SIPA1L1: variants seen among roughly 807,000 people sequenced by gnomAD.
The protein encoded by SIPA1L1 is signal-induced proliferation-associated 1-like protein 1.
In SIPA1L1, 26 loss-of-function variants were observed where a neutral mutation model predicts 162.7. The ratio of observed to expected loss-of-function variants is 0.16; its 90% CI spans 0.12 to 0.22. The LOEUF is 0.22. Among genes scored for constraint, SIPA1L1 ranks in the 10% least tolerant of loss-of-function variants. The pLI is 1.00. For missense variants in SIPA1L1, 1,874 were observed against 2,241.0 expected (o/e 0.84, Z 3.31); for synonymous variants, 829 against 837.4 (o/e 0.99, Z 0.17).
chr14:71,690,787 A>G (rs1307741281), intron 13 of SIPA1L1, among the ~76,000 whole-genome samples: 1 of 152,174 alleles, frequency 6.6e-6, no homozygotes, highest in African/African-American at 2.4e-5. Flanking sequence ...CATCCACTTG[A>G]GCAACCTCAA....
At chr14:71,568,218 G>A (rs542684710) in intron 4 of SIPA1L1, among the ~76,000 whole-genome samples, 7 of 152,248 alleles carry the variant, frequency 4.6e-5, no homozygotes, top group Admixed American at 3.9e-4. Flanking sequence ...AGATGGAGTC[G>A]CTCAGGTTTG....
chr14:71,385,424 C>T (rs933447034), intron 2 of SIPA1L1, among the ~76,000 whole-genome samples: 2 of 152,152 alleles, frequency 1.3e-5, no homozygotes, highest in African/African-American at 2.4e-5. Context: ...TTTAGTGCTA[C>T]AGATGTTAAA....
chr14:71,639,440 G>A (rs900305649), intron 7 of SIPA1L1, among the ~76,000 whole-genome samples: 5 of 152,022 alleles, frequency 3.3e-5, no homozygotes, highest in Non-Finnish European at 1.5e-5. Flanking sequence ...AAATGGAGAG[G>A]CATACTATAT....
chr14:71,712,870 T>C (rs2082978595), intron 17 of SIPA1L1, among the ~76,000 whole-genome samples: 1 of 152,182 alleles, frequency 6.6e-6, no homozygotes, highest in Admixed American at 6.5e-5. Flanking sequence ...CTCCTTCCTC[T>C]TGCTTCCCTA....
intron 7 of SIPA1L1, among the ~76,000 whole-genome samples, chr14:71,625,560 G>A (rs1289891607): frequency 6.6e-6 from 1 of 152,214 alleles, no homozygotes; most frequent in Non-Finnish European, 1.5e-5. Context: ...GAAGAATGCT[G>A]TGAGTATCCA....
chr14:71,327,577 T>A lies in SIPA1L1; in HGVS notation c.-465+6396T>A, dbSNP rs184459277. ...GGATGTCCTAAAATTTTCACCAAATTTGACTTTTATTGCTTGCTTCACCTG... is the reference window on the plus strand; with the variant it reads ...GGATGTCCTAAAATTTTCACCAAATATGACTTTTATTGCTTGCTTCACCTG... On this transcript the variant is annotated intron_variant, in intron 2 of 23. Transcript: ENST00000381232. Among the ~76,000 whole-genome samples the A allele has an allele frequency of 1.7e-3, 254 of 152,274 alleles. 1 individual carries two copies. Among genetic ancestry groups the A allele is most frequent in the African/African-American group, 5.3e-3 (222 of 41,562 alleles).
At chr14:71,406,027 C>T (rs193108736) in intron 2 of SIPA1L1, among the ~76,000 whole-genome samples, 12 of 152,254 alleles carry the variant, frequency 7.9e-5, no homozygotes, top group African/African-American at 2.6e-4. Flanking sequence ...TCTGGGGTAG[C>T]GTCTCGTCGA....
chr14:71,378,683 A>T (rs2039626810), intron 2 of SIPA1L1, among the ~76,000 whole-genome samples: 1 of 145,216 alleles, frequency 6.9e-6, no homozygotes, highest in Admixed American at 6.9e-5. Context: ...GTCATTCCTG[A>T]TTTTTTTTTT....
chr14:71,660,904 T>A (rs1364298952), intron 9 of SIPA1L1, among the ~76,000 whole-genome samples: 1 of 152,232 alleles, frequency 6.6e-6, no homozygotes, highest in Non-Finnish European at 1.5e-5. Flanking sequence ...TTTCTTTCAA[T>A]GAGGCCAGTT....
At chr14:71,736,696 A>G (rs1275298190) in intron 22 of SIPA1L1, among the ~76,000 whole-genome samples, 1 of 152,196 alleles carries the variant, frequency 6.6e-6, no homozygotes, top group African/African-American at 2.4e-5. Flanking sequence ...ATATCCCAGA[A>G]GCAAGCCCCA....
chr14:71,555,818 T>G (rs2056303194), intron 4 of SIPA1L1, among the ~76,000 whole-genome samples: 1 of 152,108 alleles, frequency 6.6e-6, no homozygotes. Flanking sequence ...GGGGAATGGC[T>G]GGTGGGTGGA....
At chr14:71,733,225 T>G (rs752258927) in intron 20 of SIPA1L1, among the ~76,000 whole-genome samples, 2 of 151,970 alleles carry the variant, frequency 1.3e-5, no homozygotes, top group African/African-American at 4.8e-5. Flanking sequence ...AATAAAAAAA[T>G]AAGCCCTATT....
intron 2 of SIPA1L1, among the ~76,000 whole-genome samples, chr14:71,348,709 C>A (rs1052816743): frequency 2.6e-5 from 4 of 152,166 alleles, no homozygotes; most frequent in Admixed American, 6.5e-5. Context: ...AGAGGCTAAA[C>A]CCACTGTTTA....
chr14:71,490,941 C>G (rs1235825806), intron 2 of SIPA1L1, among the ~76,000 whole-genome samples: 1 of 152,128 alleles, frequency 6.6e-6, no homozygotes, highest in African/African-American at 2.4e-5. Flanking sequence ...GATGCCTGTT[C>G]CTGATACTGG....
At chr14:71,493,531 G>A (rs1445490910) in intron 2 of SIPA1L1, among the ~76,000 whole-genome samples, 2 of 152,184 alleles carry the variant, frequency 1.3e-5, no homozygotes, top group African/African-American at 2.4e-5. Context: ...AGTGACTGAG[G>A]AGACTTTCAT....
intron 2 of SIPA1L1, among the ~76,000 whole-genome samples, chr14:71,426,470 T>A (rs2140832425): frequency 6.7e-6 from 1 of 149,696 alleles, no homozygotes; most frequent in African/African-American, 2.4e-5. Context: ...CATAATACCC[T>A]AATTTGAATT....
intron 9 of SIPA1L1, among the ~76,000 whole-genome samples, chr14:71,659,379 A>G (rs2043319588): frequency 6.6e-6 from 1 of 152,234 alleles, no homozygotes; most frequent in Non-Finnish European, 1.5e-5. Flanking sequence ...TAAATCACAA[A>G]TCTAGGTAAC....
chr14:71,556,428 G>A (rs1026785971), intron 4 of SIPA1L1, among the ~76,000 whole-genome samples: 1 of 152,172 alleles, frequency 6.6e-6, no homozygotes, highest in Non-Finnish European at 1.5e-5. Context: ...CACAGGTTGG[G>A]GGCTCAGTCC....
chr14:71,689,106 CA>C (rs888168633), intron 13 of SIPA1L1, among the ~76,000 whole-genome samples: 2 of 151,542 alleles, frequency 1.3e-5, no homozygotes, highest in Admixed American at 1.3e-4. Context: ...TCATTAGGAA[CA>C]AAAAAAATAA....
Sources: gnomAD v4.1 joint callset for allele counts (sites outside exome capture counted in the v4.1 genomes callset) on GRCh38, gnomAD v4.1.1 for gene constraint, MANE v1.5 for transcripts, NCBI Gene and HGNC (gene_info 2026-07-23, HGNC 2026-07-21) for gene names.